Variants in PRKCA observed in about 807,000 individuals in gnomAD.
PRKCA encodes protein kinase C alpha type.
A neutral mutation model predicts 87.0 loss-of-function variants in PRKCA; 27 were observed. The observed-to-expected ratio is 0.31, with a 90% CI of 0.23 to 0.43. The LOEUF (loss-of-function observed/expected upper bound fraction) is 0.43. Among genes scored for constraint, PRKCA ranks in the 20% least tolerant of loss-of-function variants. PRKCA has a pLI of 1.00. For synonymous variants in PRKCA, 329 were observed against 311.1 expected (o/e 1.06, Z -0.61); for missense variants, 518 against 852.3 (o/e 0.61, Z 4.88).
intron 3 of PRKCA, among the ~76,000 whole-genome samples, chr17:66,543,333 C>T (rs1359947584): frequency 6.6e-6 from 1 of 152,104 alleles, no homozygotes; most frequent in East Asian, 1.9e-4. Context: ...CTTCTCTCTT[C>T]CTTCTCACCA....
chr17:66,409,299 T>G lies in PRKCA; in HGVS notation c.206-86902T>G, dbSNP rs142187415. On this transcript the variant is annotated intron_variant, in intron 2 of 16. Coordinates refer to ENST00000413366, the MANE Select transcript of PRKCA (RefSeq NM_002737.3). ...AAGTCTTGGATGCTTCTGTGAGGCC[T>G]TAGGGGGTACCATGTCTAACTTGTG... Among the ~76,000 whole-genome samples, 215 of 152,212 alleles carry G rather than the reference T, an allele frequency of 1.4e-3. 1 individual carries two copies. Among genetic ancestry groups the G allele is most frequent in the African/African-American group, 5.1e-3 (210 of 41,550 alleles).
intron 2 of PRKCA, among the ~76,000 whole-genome samples, chr17:66,346,810 C>T (rs1020710454): frequency 6.6e-6 from 1 of 152,046 alleles, no homozygotes; most frequent in East Asian, 1.9e-4. Context: ...AAGCAGATCA[C>T]TTGAGGTCAG....
At chr17:66,326,386 GC>G (rs1905983638) in intron 2 of PRKCA, among the ~76,000 whole-genome samples, 1 of 152,178 alleles carries the variant, frequency 6.6e-6, no homozygotes, top group South Asian at 2.1e-4. Context: ...GTCTGTAAGA[GC>G]ATGCTCTTTA....
intron 13 of PRKCA, among the ~76,000 whole-genome samples, chr17:66,746,444 G>A (rs1182992170): frequency 6.6e-6 from 1 of 152,084 alleles, no homozygotes; most frequent in Non-Finnish European, 1.5e-5. Context: ...TGTGTGGAAA[G>A]GTTAAAATAA....
intron 2 of PRKCA, among the ~76,000 whole-genome samples, chr17:66,438,759 G>A (rs1913552335): frequency 6.6e-6 from 1 of 152,170 alleles, no homozygotes; most frequent in African/African-American, 2.4e-5. Context: ...GCAGCAGGAA[G>A]GAGAATGAAC....
chr17:66,330,922 A>G (rs1277168003), intron 2 of PRKCA, among the ~76,000 whole-genome samples: 3 of 152,174 alleles, frequency 2.0e-5, no homozygotes, highest in African/African-American at 4.8e-5. Context: ...GCTCTTGGAT[A>G]TATTATTTAC....
At chr17:66,576,124 T>A (rs1040556053) in intron 3 of PRKCA, among the ~76,000 whole-genome samples, 9 of 152,150 alleles carry the variant, frequency 5.9e-5, no homozygotes, top group African/African-American at 1.7e-4. Flanking sequence ...AAACAAAAAC[T>A]TAGAAACAAA....
intron 2 of PRKCA, among the ~76,000 whole-genome samples, chr17:66,421,243 A>G (rs1041183460): frequency 3.3e-5 from 5 of 152,108 alleles, no homozygotes; most frequent in African/African-American, 1.2e-4. Context: ...ATTTAGAGAG[A>G]GAGTAAAAAG....
At chr17:66,679,274 G>A (rs761238919) in intron 5 of PRKCA, among the ~76,000 whole-genome samples, 9 of 150,866 alleles carry the variant, frequency 6.0e-5, no homozygotes, top group Non-Finnish European at 8.8e-5. Flanking sequence ...TCTGCCGCCC[G>A]GGTTCACGCC....
chr17:66,322,982 T>G (rs921833956), intron 2 of PRKCA, among the ~76,000 whole-genome samples: 1 of 152,232 alleles, frequency 6.6e-6, no homozygotes. Context: ...GTAATCACTA[T>G]TATGACTTTT....
At chr17:66,373,992 T>TG (rs1360586234) in intron 2 of PRKCA, among the ~76,000 whole-genome samples, 1 of 151,912 alleles carries the variant, frequency 6.6e-6, no homozygotes, top group Non-Finnish European at 1.5e-5. Context: ...GCTGCTGCAG[T>TG]GGGGGTTTGA....
At chr17:66,650,323 G>GC (rs1373740125) in intron 5 of PRKCA, among the ~76,000 whole-genome samples, 1 of 151,486 alleles carries the variant, frequency 6.6e-6, no homozygotes, top group African/African-American at 2.4e-5. Context: ...TTGCCTTTGG[G>GC]CGGTGGTGCT....
chr17:66,479,758 A>G (rs891070285), intron 2 of PRKCA, among the ~76,000 whole-genome samples: 1 of 152,210 alleles, frequency 6.6e-6, no homozygotes, highest in Admixed American at 6.5e-5. Context: ...ACAGGAACAG[A>G]AAACCAAATA....
intron 5 of PRKCA, among the ~76,000 whole-genome samples, chr17:66,670,505 T>G (rs11868943): frequency 0.16 from 24,140 of 151,936 alleles, 2,357 homozygotes; most frequent in Non-Finnish European, 0.22. Flanking sequence ...ATCGGAGAAA[T>G]GTAGGATAAA....
chr17:66,343,812 A>C (rs1907191210), intron 2 of PRKCA, among the ~76,000 whole-genome samples: 1 of 152,160 alleles, frequency 6.6e-6, no homozygotes, highest in Non-Finnish European at 1.5e-5. Flanking sequence ...GCATGATGGA[A>C]GAGGAACTTG....
intron 3 of PRKCA, among the ~76,000 whole-genome samples, chr17:66,612,647 C>T (rs1030168274): frequency 7.9e-5 from 12 of 151,262 alleles, no homozygotes; most frequent in African/African-American, 2.7e-4. Flanking sequence ...TGAGAACGTT[C>T]TGATATTTGT....
At chr17:66,716,419 G>A (rs1461931340) in intron 8 of PRKCA, among the ~76,000 whole-genome samples, 1 of 152,082 alleles carries the variant, frequency 6.6e-6, no homozygotes, top group Non-Finnish European at 1.5e-5. Context: ...CCTCTAAGCC[G>A]GGCATCAGAC....
intron 8 of PRKCA, among the ~76,000 whole-genome samples, chr17:66,716,067 G>A (rs1239997816): frequency 6.6e-6 from 1 of 152,088 alleles, no homozygotes; most frequent in African/African-American, 2.4e-5. Flanking sequence ...GTGCTGCAAA[G>A]AAGTCAAGGG....
chr17:66,634,506 G>A (rs1971102739), intron 3 of PRKCA, among the ~76,000 whole-genome samples: 1 of 152,228 alleles, frequency 6.6e-6, no homozygotes, highest in Non-Finnish European at 1.5e-5. Context: ...GACTTGGTGT[G>A]CACCAGATAT....
Sources: gnomAD v4.1 joint callset for allele counts (sites outside exome capture counted in the v4.1 genomes callset) on GRCh38, gnomAD v4.1.1 for gene constraint, MANE v1.5 for transcripts, NCBI Gene and HGNC (gene_info 2026-07-23, HGNC 2026-07-21) for gene names.